RPS6KC1: variants seen among roughly 807,000 people sequenced by gnomAD.
RPS6KC1 encodes inactive ribosomal protein S6 kinase delta-1.
A neutral mutation model predicts 103.8 loss-of-function variants in RPS6KC1; 54 were observed. That is an observed-to-expected ratio of 0.52 (90% CI 0.42 to 0.65). The LOEUF (loss-of-function observed/expected upper bound fraction) is 0.65. Ranked by LOEUF, RPS6KC1 falls within the 30% of genes least tolerant of loss-of-function variation. The pLI is 0.00. For missense variants in RPS6KC1, 1,151 were observed against 1,253.8 expected (o/e 0.92, Z 1.24); for synonymous variants, 439 against 438.7 (o/e 1.00, Z -0.01).
the RPS6KC1 span, among the ~76,000 whole-genome samples, chr1:213,325,423 A>AT: frequency 6.6e-6 from 1 of 152,194 alleles, no homozygotes; most frequent in Non-Finnish European, 1.5e-5. Context: ...CTTTCTGCCC[A>AT]TACTGCCTTC....
At chr1:213,118,874 C>G (rs1298305677) in intron 5 of RPS6KC1, among the ~76,000 whole-genome samples, 2 of 151,920 alleles carry the variant, frequency 1.3e-5, no homozygotes, top group Non-Finnish European at 2.9e-5. Context: ...ACTTTATAAT[C>G]TATTATTTTT....
At chr1:213,064,404 G>A (rs984123229) in intron 1 of RPS6KC1, among the ~76,000 whole-genome samples, 1 of 139,288 alleles carries the variant, frequency 7.2e-6, no homozygotes, top group Admixed American at 7.6e-5. Context: ...TTTCACTCTT[G>A]TTGCCCAGGC....
intron 5 of RPS6KC1, among the ~76,000 whole-genome samples, chr1:213,120,426 G>GT (rs1433514483): frequency 5.3e-5 from 8 of 152,128 alleles, no homozygotes; most frequent in Non-Finnish European, 8.8e-5. Context: ...TTTAAATATC[G>GT]TAAGATTGTT....
At chr1:213,301,701 A>AC in the RPS6KC1 span, among the ~76,000 whole-genome samples, 4,706 of 58,084 alleles carry the variant, frequency 0.081, 92 homozygotes, top group Admixed American at 0.11. Context: ...CCATTTACTT[A>AC]TTTATTTATT....
the RPS6KC1 span, among the ~76,000 whole-genome samples, chr1:213,785,147 G>A: frequency 3.3e-5 from 5 of 152,234 alleles, no homozygotes; most frequent in South Asian, 2.1e-4. Context: ...TTATTACACA[G>A]CATTGTTGGG....
At chr1:213,206,245 T>C (rs1487124364) in intron 8 of RPS6KC1, among the ~76,000 whole-genome samples, 3 of 152,230 alleles carry the variant, frequency 2.0e-5, no homozygotes. Flanking sequence ...CTCCTAGGGC[T>C]TGGGTTTTAT....
At chr1:213,052,597 A>G (rs1475471358) in intron 1 of RPS6KC1, among the ~76,000 whole-genome samples, 9 of 151,910 alleles carry the variant, frequency 5.9e-5, no homozygotes, top group Non-Finnish European at 1.5e-5. Flanking sequence ...CTGGAGTGCA[A>G]TGGCATGATC....
the RPS6KC1 span, among the ~76,000 whole-genome samples, chr1:213,709,406 C>T: frequency 6.6e-6 from 1 of 152,130 alleles, no homozygotes; most frequent in Admixed American, 6.5e-5. Context: ...TCCTCTTTAT[C>T]ATTTTATATT....
intron 6 of RPS6KC1, among the ~76,000 whole-genome samples, chr1:213,137,622 C>T (rs1474710281): frequency 5.3e-5 from 8 of 151,480 alleles, no homozygotes; most frequent in Non-Finnish European, 1.0e-4. Context: ...CGTGAGCCAC[C>T]GTGCCTTGCC....
chr1:213,123,488 C>T (rs1407137590), intron 5 of RPS6KC1, among the ~76,000 whole-genome samples: 1 of 152,078 alleles, frequency 6.6e-6, no homozygotes, highest in Non-Finnish European at 1.5e-5. Context: ...AGACATGACC[C>T]AAGAACGTTA....
chr1:213,174,816 G>T (rs75958695), intron 7 of RPS6KC1, among the ~76,000 whole-genome samples: 2 of 151,200 alleles, frequency 1.3e-5, no homozygotes. Flanking sequence ...AAATATATCC[G>T]TTTTTTTTAT....
the RPS6KC1 span, among the ~76,000 whole-genome samples, chr1:213,449,295 C>G: frequency 1.3e-5 from 2 of 150,688 alleles, no homozygotes; most frequent in Non-Finnish European, 3.0e-5. Context: ...TTGTGTTAAT[C>G]TGCGAGGGCT....
At chr1:213,712,895 A>G in the RPS6KC1 span, among the ~76,000 whole-genome samples, 2 of 152,070 alleles carry the variant, frequency 1.3e-5, no homozygotes, top group African/African-American at 4.8e-5. Flanking sequence ...TTGGAGATGC[A>G]GAAATCACCT....
At chr1:213,408,721 A>G in the RPS6KC1 span, among the ~76,000 whole-genome samples, 2 of 152,222 alleles carry the variant, frequency 1.3e-5, no homozygotes, top group Non-Finnish European at 2.9e-5. Flanking sequence ...CTCCATACAC[A>G]CAGATGCACA....
chr1:213,109,846 T>A (rs2082846177), intron 4 of RPS6KC1, among the ~76,000 whole-genome samples: 1 of 151,796 alleles, frequency 6.6e-6, no homozygotes, highest in East Asian at 1.9e-4. Context: ...TTTTTTTTTA[T>A]TGGAGATTTA....
the RPS6KC1 span, among the ~76,000 whole-genome samples, chr1:213,705,333 AAGACGT>A: frequency 6.6e-6 from 1 of 152,248 alleles, no homozygotes; most frequent in African/African-American, 2.4e-5. Flanking sequence ...CTCAAACCAC[AAGACGT>A]AGTACTTTCC....
the RPS6KC1 span, among the ~76,000 whole-genome samples, chr1:213,379,168 G>C: frequency 6.6e-6 from 1 of 152,156 alleles, no homozygotes; most frequent in East Asian, 1.9e-4. Flanking sequence ...TTAAAGGCCT[G>C]GTACGTGTGG....
intron 8 of RPS6KC1, among the ~76,000 whole-genome samples, chr1:213,182,862 GTA>G (rs955253552): frequency 2.5e-4 from 36 of 146,220 alleles, no homozygotes; most frequent in Middle Eastern, 3.8e-3. Context: ...TGATATATAT[GTA>G]TATATATCAT....
At chr1:213,628,262 G>A in the RPS6KC1 span, among the ~76,000 whole-genome samples, 9 of 152,134 alleles carry the variant, frequency 5.9e-5, no homozygotes, top group Non-Finnish European at 1.2e-4. Flanking sequence ...GGGATCGGAG[G>A]TGATGTCCCC....
Sources: allele counts gnomAD v4.1 joint callset (sites outside exome capture counted in the v4.1 genomes callset), GRCh38; gene constraint gnomAD v4.1.1; transcripts MANE v1.5; gene names NCBI Gene and HGNC (gene_info 2026-07-23, HGNC 2026-07-21).